The following UNC5C variants were observed in gnomAD, a reference collection of about 807,000 sequenced individuals.
UNC5C encodes the protein unc-5 netrin receptor C, also known as netrin receptor UNC5C.
Under a neutral mutation model 99.8 loss-of-function variants are expected in UNC5C, and 47 were observed. The observed-to-expected ratio is 0.47, with a 90% confidence interval of 0.37 to 0.60. The LOEUF (loss-of-function observed/expected upper bound fraction) is 0.60, where lower values mean the gene tolerates loss of function less well. Ranked by LOEUF, UNC5C falls within the 20% of genes least tolerant of loss-of-function variation. The pLI, the probability that UNC5C is intolerant of heterozygous loss-of-function variation, is 0.00. For missense variants in UNC5C, 1,062 were observed against 1,165.9 expected (o/e 0.91, Z 1.30); for synonymous variants, 487 against 452.2 (o/e 1.08, Z -0.98).
At chr4:95,412,468 C>T (rs1415059926) in intron 1 of UNC5C, among the ~76,000 whole-genome samples, 3 of 152,076 alleles carry the variant, frequency 2.0e-5, no homozygotes, top group Non-Finnish European at 4.4e-5. Context: ...AAGGAACTGA[C>T]CTTTATCTTG....
At chr4:95,260,546 T>C (rs903596062) in intron 4 of UNC5C, among the ~76,000 whole-genome samples, 1 of 152,000 alleles carries the variant, frequency 6.6e-6, no homozygotes, top group Admixed American at 6.6e-5. Flanking sequence ...CTTTTCTCTC[T>C]CCCCACAGAA....
chr4:95,327,593 A>C (rs576661230), intron 2 of UNC5C, among the ~76,000 whole-genome samples: 1 of 152,094 alleles, frequency 6.6e-6, no homozygotes, highest in Non-Finnish European at 1.5e-5. Flanking sequence ...TCTAAATTTT[A>C]TCTCAGAGAG....
At chr4:95,240,498 G>T (rs968127229) in intron 7 of UNC5C, among the ~76,000 whole-genome samples, 4 of 152,114 alleles carry the variant, frequency 2.6e-5, no homozygotes, top group African/African-American at 9.7e-5. Context: ...AGAGTTTATT[G>T]ACTTAGTAGG....
chr4:95,227,047 C>T (rs1738725065), intron 7 of UNC5C, among the ~76,000 whole-genome samples: 2 of 152,022 alleles, frequency 1.3e-5, no homozygotes, highest in African/African-American at 4.8e-5. Flanking sequence ...GCTTGTTATC[C>T]CTGGGTACAG....
chr4:95,249,966 T>A (rs1004995913), intron 5 of UNC5C, among the ~76,000 whole-genome samples: 6 of 152,092 alleles, frequency 3.9e-5, no homozygotes, highest in African/African-American at 1.4e-4. Flanking sequence ...AGGTGTTAGG[T>A]CCACAGAAAC....
At chr4:95,519,572 T>G (rs957912266) in intron 1 of UNC5C, among the ~76,000 whole-genome samples, 3 of 152,042 alleles carry the variant, frequency 2.0e-5, no homozygotes, top group Non-Finnish European at 4.4e-5. Context: ...CTTCAGCTGC[T>G]GATTGGGCAA....
chr4:95,313,710 T>C (rs1379360295), intron 2 of UNC5C, among the ~76,000 whole-genome samples: 1 of 152,204 alleles, frequency 6.6e-6, no homozygotes, highest in Non-Finnish European at 1.5e-5. Context: ...TTTGTTTATC[T>C]TAAAAGCAAT....
chr4:95,401,666 C>T (rs1175408755), intron 1 of UNC5C, among the ~76,000 whole-genome samples: 3 of 152,172 alleles, frequency 2.0e-5, no homozygotes, highest in Non-Finnish European at 4.4e-5. Flanking sequence ...TTCAGCGCCT[C>T]TTCGTGATAT....
chr4:95,446,208 C>A (rs1404645919), intron 1 of UNC5C, among the ~76,000 whole-genome samples: 1 of 151,686 alleles, frequency 6.6e-6, no homozygotes, highest in African/African-American at 2.4e-5. Flanking sequence ...GAGAGCATAG[C>A]AAGATGTAGC....
chr4:95,479,185 T>C (rs1721058359), intron 1 of UNC5C, among the ~76,000 whole-genome samples: 1 of 152,050 alleles, frequency 6.6e-6, no homozygotes, highest in Admixed American at 6.6e-5. Context: ...TCTATTCTTA[T>C]GTTGACTTGT....
intron 4 of UNC5C, among the ~76,000 whole-genome samples, chr4:95,263,161 C>T (rs772274295): frequency 6.6e-5 from 10 of 152,126 alleles, no homozygotes; most frequent in Non-Finnish European, 1.0e-4. Flanking sequence ...TTTTCTTAAT[C>T]GGTAATGTTG....
intron 12 of UNC5C, among the ~76,000 whole-genome samples, chr4:95,192,069 T>G (rs1737136208): frequency 7.7e-6 from 1 of 129,416 alleles, no homozygotes; most frequent in Non-Finnish European, 1.6e-5. Flanking sequence ...CTTCCCCTGC[T>G]CACCTCCTCC....
chr4:95,409,298 G>T (rs1745912881), intron 1 of UNC5C, among the ~76,000 whole-genome samples: 1 of 152,006 alleles, frequency 6.6e-6, no homozygotes, highest in African/African-American at 2.4e-5. Context: ...TATGACTCAG[G>T]ACTCTTGTAT....
chr4:95,492,534 C>T lies in UNC5C; in HGVS notation c.124+56200G>A, dbSNP rs574787238. The stretch of plus-strand genomic sequence containing the variant: ...TATACTAGATAGCTTAAAGGTTTAT[C>T]TTTATGTTACCTTATGCATTAATGC... On this transcript the variant is annotated intron_variant, in intron 1 of 15. Transcript: ENST00000453304. Among the ~76,000 whole-genome samples, 3 of 151,338 alleles carry T rather than the reference C, an allele frequency of 2.0e-5. No homozygotes were observed. The South Asian group carries it at 6.2e-4, about 31-fold the overall frequency.
At chr4:95,254,088 G>A (rs1739859833) in intron 4 of UNC5C, among the ~76,000 whole-genome samples, 1 of 152,160 alleles carries the variant, frequency 6.6e-6, no homozygotes, top group South Asian at 2.1e-4. Context: ...TGCTTGCTCA[G>A]CATTGTGTCT....
chr4:95,450,898 C>A (rs964335957), intron 1 of UNC5C, among the ~76,000 whole-genome samples: 4 of 152,124 alleles, frequency 2.6e-5, no homozygotes, highest in African/African-American at 9.7e-5. Flanking sequence ...AGGACAATCA[C>A]CTTTTCCCTC....
At chr4:95,503,811 T>C (rs1721840589) in intron 1 of UNC5C, among the ~76,000 whole-genome samples, 1 of 152,130 alleles carries the variant, frequency 6.6e-6, no homozygotes, top group Non-Finnish European at 1.5e-5. Flanking sequence ...TTCCTCATTG[T>C]TGGCTGTCAG....
At chr4:95,345,605 G>A (rs1439545255) in intron 1 of UNC5C, among the ~76,000 whole-genome samples, 1 of 151,890 alleles carries the variant, frequency 6.6e-6, no homozygotes, top group African/African-American at 2.4e-5. Context: ...CATGTGTTAT[G>A]CCACAAAATA....
chr4:95,348,143 G>A (rs2149427560), intron 1 of UNC5C, among the ~76,000 whole-genome samples: 1 of 152,012 alleles, frequency 6.6e-6, no homozygotes, highest in South Asian at 2.1e-4. Flanking sequence ...ACGGCAAGCA[G>A]GTATATGCAA....
Sources: gnomAD v4.1 joint callset for allele counts (sites outside exome capture counted in the v4.1 genomes callset) on GRCh38, gnomAD v4.1.1 for gene constraint, MANE v1.5 for transcripts, NCBI Gene and HGNC (gene_info 2026-07-23, HGNC 2026-07-21) for gene names.